The following LIPC variants were observed in gnomAD, a reference collection of about 807,000 sequenced individuals.
The protein encoded by LIPC is lipase C, hepatic type.
LIPC carries 44 observed loss-of-function variants against 50.7 expected under a neutral mutation model. That is an observed-to-expected ratio of 0.87 (90% CI 0.68 to 1.11). The LOEUF (loss-of-function observed/expected upper bound fraction) is 1.11, where lower values mean the gene tolerates loss of function less well. Among genes scored for constraint, LIPC ranks in the 50% most tolerant of loss-of-function variants. The pLI is 0.00. For missense variants in LIPC, 697 were observed against 648.2 expected (o/e 1.08, Z -0.82); for synonymous variants, 271 against 256.4 (o/e 1.06, Z -0.54).
chr15:58,528,744 T>C (rs1374898820), intron 1 of LIPC, among the ~76,000 whole-genome samples: 1 of 152,252 alleles, frequency 6.6e-6, no homozygotes, highest in East Asian at 1.9e-4. Flanking sequence ...CTTGAGTTTC[T>C]TCCATCCACG....
chr15:58,560,037 T>A (rs1894103835), intron 6 of LIPC, among the ~76,000 whole-genome samples: 1 of 152,222 alleles, frequency 6.6e-6, no homozygotes, highest in Admixed American at 6.5e-5. Context: ...AATGCCTACA[T>A]CATAGCGTTG....
At chr15:58,551,717 C>T (rs1375031625) in intron 6 of LIPC, among the ~76,000 whole-genome samples, 2 of 152,152 alleles carry the variant, frequency 1.3e-5, no homozygotes, top group Non-Finnish European at 2.9e-5. Context: ...ACTTGCCCAA[C>T]CCCGGCCTAC....
At chr15:58,501,387 A>G (rs1055505313) in intron 1 of LIPC, among the ~76,000 whole-genome samples, 1 of 95,686 alleles carries the variant, frequency 1.0e-5, no homozygotes, top group African/African-American at 3.8e-5. Flanking sequence ...TTTTTTGTTT[A>G]TTCCTTTTTG....
chr15:58,483,766 C>G (rs1376726817), intron 1 of LIPC, among the ~76,000 whole-genome samples: 1 of 151,856 alleles, frequency 6.6e-6, no homozygotes, highest in Admixed American at 6.5e-5. Context: ...TTTTTCCTAC[C>G]TAGTATTGAT....
chr15:58,483,560 T>C (rs1891263577), intron 1 of LIPC, among the ~76,000 whole-genome samples: 2 of 152,142 alleles, frequency 1.3e-5, no homozygotes, highest in African/African-American at 4.8e-5. Context: ...ACCATGTTTA[T>C]CTTGCCATAT....
At chr15:58,446,777 G>C (rs1893710172) in intron 1 of LIPC, among the ~76,000 whole-genome samples, 1 of 152,112 alleles carries the variant, frequency 6.6e-6, no homozygotes, top group Admixed American at 6.6e-5. Flanking sequence ...GCCTGGCATG[G>C]AGCAGGCACG....
At chr15:58,490,333 A>G (rs2140804200) in intron 1 of LIPC, among the ~76,000 whole-genome samples, 2 of 152,278 alleles carry the variant, frequency 1.3e-5, no homozygotes, top group South Asian at 4.2e-4. Flanking sequence ...TTCTGCCAGG[A>G]AAGAAAGAAC....
chr15:58,567,843 A>T (rs1264189931), intron 8 of LIPC, among the ~76,000 whole-genome samples: 1 of 152,188 alleles, frequency 6.6e-6, no homozygotes, highest in African/African-American at 2.4e-5. Context: ...CAAATCATAA[A>T]TGTAGAGAGG....
intron 1 of LIPC, among the ~76,000 whole-genome samples, chr15:58,452,143 A>G (rs1893922339): frequency 6.6e-6 from 1 of 152,190 alleles, no homozygotes; most frequent in South Asian, 2.1e-4. Context: ...TCTATTCCAC[A>G]GTGATTCTCA....
chr15:58,549,818 T>A (rs1467674876), intron 6 of LIPC, among the ~76,000 whole-genome samples: 1 of 152,208 alleles, frequency 6.6e-6, no homozygotes, highest in African/African-American at 2.4e-5. Flanking sequence ...CCACTGGCTG[T>A]CCCTTAGGGC....
At chr15:58,492,157 C>T (rs1891609431) in intron 1 of LIPC, among the ~76,000 whole-genome samples, 1 of 152,172 alleles carries the variant, frequency 6.6e-6, no homozygotes, top group Non-Finnish European at 1.5e-5. Flanking sequence ...GCACCCTCCC[C>T]AGATGGCCTG....
At chr15:58,504,003 C>T (rs1332766594) in intron 1 of LIPC, among the ~76,000 whole-genome samples, 1 of 152,222 alleles carries the variant, frequency 6.6e-6, no homozygotes, top group African/African-American at 2.4e-5. Flanking sequence ...GTCCATGACC[C>T]ATTTCAAGAT....
intron 1 of LIPC, among the ~76,000 whole-genome samples, chr15:58,458,484 C>G (rs1347011288): frequency 6.6e-6 from 1 of 152,224 alleles, no homozygotes; most frequent in South Asian, 2.1e-4. Context: ...TCATTCCCAG[C>G]TCTTTCCTCC....
At chr15:58,551,312 G>A (rs1323778222) in intron 6 of LIPC, among the ~76,000 whole-genome samples, 2 of 152,146 alleles carry the variant, frequency 1.3e-5, no homozygotes, top group African/African-American at 4.8e-5. Flanking sequence ...TGCGAGACTC[G>A]CCTGTTTGAA....
chr15:58,557,173 C>T (rs553930022), intron 6 of LIPC, among the ~76,000 whole-genome samples: 5 of 152,164 alleles, frequency 3.3e-5, no homozygotes, highest in South Asian at 2.1e-4. Context: ...TGTGAGCCGA[C>T]GCCCCAGCCA....
intron 1 of LIPC, among the ~76,000 whole-genome samples, chr15:58,495,399 T>C (rs905172491): frequency 1.8e-4 from 28 of 152,258 alleles, no homozygotes; most frequent in Non-Finnish European, 1.5e-5. Context: ...TTTCTCTCCC[T>C]GTGGGCTCTT....
chr15:58,548,170 C>A (rs1893602752), intron 5 of LIPC, among the ~76,000 whole-genome samples, 160 bp from the exon 6 acceptor site: 2 of 152,084 alleles, frequency 1.3e-5, no homozygotes. Flanking sequence ...AGTCAGTTGT[C>A]ACATCCTGCT....
chr15:58,568,672 C>T (rs1367656192), intron 8 of LIPC, 44 bp from the exon 9 acceptor site: 1 of 1,077,494 alleles, frequency 9.3e-7, no homozygotes, highest in East Asian at 2.5e-5. Flanking sequence ...CAATAAGCTC[C>T]ACCTAAAACT....
chr15:58,475,749 A>G (rs113611819), intron 1 of LIPC, among the ~76,000 whole-genome samples: 21 of 152,368 alleles, frequency 1.4e-4, no homozygotes, highest in African/African-American at 4.8e-4. Flanking sequence ...GAGAGATTAC[A>G]TGAGCCAAGT....
Sources: allele counts gnomAD v4.1 joint callset (sites outside exome capture counted in the v4.1 genomes callset), GRCh38; gene constraint gnomAD v4.1.1; transcripts MANE v1.5; gene names NCBI Gene and HGNC (gene_info 2026-07-23, HGNC 2026-07-21).